ABCA13: variants seen among roughly 807,000 people sequenced by gnomAD.
ABCA13 encodes ATP binding cassette subfamily A member 13.
A neutral mutation model predicts 478.7 loss-of-function variants in ABCA13; 476 were observed. The ratio of observed to expected loss-of-function variants is 0.99; its 90% CI spans 0.92 to 1.07. The LOEUF (loss-of-function observed/expected upper bound fraction) is 1.07. ABCA13 is among the 50% of genes least tolerant of loss of function. The pLI is 0.00. For synonymous variants in ABCA13, 2,252 were observed against 2,158.9 expected, an observed-to-expected ratio of 1.04 and a Z score of -1.20; for missense variants, 6,060 against 5,910.6, an observed-to-expected ratio of 1.03 and a Z score of -0.83.
At chr7:48,598,609 G>T (rs548100646) in intron 58 of ABCA13, among the ~76,000 whole-genome samples, 1 of 151,996 alleles carries the variant, frequency 6.6e-6, no homozygotes, top group East Asian at 1.9e-4. Flanking sequence ...TAAATGATTT[G>T]CAAATATGTA....
intron 27 of ABCA13, among the ~76,000 whole-genome samples, chr7:48,332,035 A>G (rs148470232): frequency 3.3e-4 from 50 of 152,318 alleles, no homozygotes; most frequent in Middle Eastern, 3.4e-3. Flanking sequence ...ACTTAGCATA[A>G]TTCCCTAGAG....
chr7:48,528,407 G>T, intron 55 of ABCA13, 62 bp downstream of exon 55: 1 of 1,161,912 alleles, frequency 8.6e-7, no homozygotes, highest in Non-Finnish European at 1.2e-6. Context: ...AGAACCCCCA[G>T]CATTTTCCCT....
rs978286196 is a variant in ABCA13 at position 48,229,930 on chromosome 7, G to T, written c.738G>T (p.Leu246=). Residue 246 remains leucine (L), a synonymous_variant, in exon 7 of 62, where the codon CTG becomes CTT. Coordinates refer to ENST00000435803, the MANE Select transcript of ABCA13 (RefSeq NM_152701.5). ...LNVTISTLTF[L]QQHGVAVTEP... ...TGACCATTTCGACACTGACATTTCT[G>T]CAGCAACATGGAGTAGCAGTCACCG... 22 of 1,613,942 alleles carry T rather than the reference G, an allele frequency of 1.4e-5. No homozygotes were observed. Among genetic ancestry groups the T allele is most frequent in the Non-Finnish European group, 1.8e-5 (21 of 1,179,834 alleles).
intron 53 of ABCA13, among the ~76,000 whole-genome samples, chr7:48,523,248 T>C (rs904308115): frequency 6.6e-6 from 1 of 152,212 alleles, no homozygotes; most frequent in Admixed American, 6.5e-5. Flanking sequence ...TTTCTCATCG[T>C]CTATGTTCTC....
intron 47 of ABCA13, among the ~76,000 whole-genome samples, chr7:48,483,855 T>A (rs866335053): frequency 9.2e-5 from 14 of 152,266 alleles, no homozygotes; most frequent in South Asian, 2.1e-4. Flanking sequence ...GAAATAGTAT[T>A]GTGTTTGATT....
intron 55 of ABCA13, among the ~76,000 whole-genome samples, chr7:48,542,523 T>C (rs1451648196): frequency 6.6e-6 from 1 of 151,422 alleles, no homozygotes; most frequent in East Asian, 1.9e-4. Flanking sequence ...TAATTTCAAC[T>C]GAAGTGGCCA....
At chr7:48,320,456 C>T (rs543816366) in intron 27 of ABCA13, among the ~76,000 whole-genome samples, 2 of 152,140 alleles carry the variant, frequency 1.3e-5, no homozygotes, top group Non-Finnish European at 2.9e-5. Context: ...TAATTTAACT[C>T]ATACTCTAAG....
At chr7:48,567,950 C>G (rs75145685) in intron 55 of ABCA13, among the ~76,000 whole-genome samples, 1 of 152,038 alleles carries the variant, frequency 6.6e-6, no homozygotes, top group Non-Finnish European at 1.5e-5. Flanking sequence ...ATCCCCAATA[C>G]GTATATGAAT....
At chr7:48,325,646 A>T (rs1205764652) in intron 27 of ABCA13, among the ~76,000 whole-genome samples, 1 of 152,146 alleles carries the variant, frequency 6.6e-6, no homozygotes, top group African/African-American at 2.4e-5. Flanking sequence ...TTCAAGCAGA[A>T]AAGAGAAAAC....
intron 31 of ABCA13, among the ~76,000 whole-genome samples, chr7:48,357,930 T>C (rs1810192841): frequency 6.6e-6 from 1 of 151,312 alleles, no homozygotes; most frequent in African/African-American, 2.4e-5. Context: ...GATCACAAGG[T>C]CAGGAATTCG....
intron 54 of ABCA13, among the ~76,000 whole-genome samples, chr7:48,526,317 A>G (rs1388396151): frequency 3.3e-5 from 5 of 152,152 alleles, no homozygotes; most frequent in Non-Finnish European, 7.4e-5. Flanking sequence ...TCTGAGTCCC[A>G]ACAGGGCTAA....
At chr7:48,397,553 A>G (rs902197647) in intron 38 of ABCA13, among the ~76,000 whole-genome samples, 2 of 152,142 alleles carry the variant, frequency 1.3e-5, no homozygotes, top group Non-Finnish European at 2.9e-5. Context: ...GGGGAAAACC[A>G]TGCTCACATT....
chr7:48,600,915 T>C (rs1305228020), intron 58 of ABCA13, among the ~76,000 whole-genome samples: 1 of 152,238 alleles, frequency 6.6e-6, no homozygotes, highest in East Asian at 1.9e-4. Context: ...AAATACTTTT[T>C]CTGGTCCTAT....
In ABCA13 at chr7:48,545,978, T is replaced by C. The variant is rs147959168; in HGVS notation, c.14354+17633T>C. Among the ~76,000 whole-genome samples the C allele has an allele frequency of 3.7e-4, 56 of 151,962 alleles. No individual in the cohort carries two copies. In the East Asian group the frequency reaches 9.8e-3, roughly 27 times the overall value. On this transcript the variant is annotated intron_variant, in intron 55 of 61. Transcript: ENST00000435803. ...GAAATAATAGGTGAGGATTTTCTAG[T>C]GTTAAGACTGTTGCTTCCTTCAATT...
chr7:48,296,264 G>C (rs1025476442), intron 21 of ABCA13, among the ~76,000 whole-genome samples: 7 of 152,026 alleles, frequency 4.6e-5, no homozygotes, highest in Non-Finnish European at 1.0e-4. Flanking sequence ...GCAGGATTTG[G>C]TGCTGTGCAT....
chr7:48,480,201 T>C (rs1828613499), intron 45 of ABCA13, among the ~76,000 whole-genome samples: 1 of 152,188 alleles, frequency 6.6e-6, no homozygotes, highest in Non-Finnish European at 1.5e-5. Context: ...TGTTTTCCCA[T>C]TTTCCCCTCC....
chr7:48,244,980 T>G (rs990080210), intron 11 of ABCA13, among the ~76,000 whole-genome samples: 1 of 152,130 alleles, frequency 6.6e-6, no homozygotes, highest in African/African-American at 2.4e-5. Flanking sequence ...TAAGGCTGGG[T>G]TGACTTTCAC....
chr7:48,414,705 T>C (rs1819739619), intron 41 of ABCA13, among the ~76,000 whole-genome samples: 1 of 152,058 alleles, frequency 6.6e-6, no homozygotes, highest in Non-Finnish European at 1.5e-5. Context: ...TGGGCTCAAG[T>C]GATCCTCCCA....
intron 55 of ABCA13, among the ~76,000 whole-genome samples, chr7:48,561,131 A>G (rs575925159): frequency 1.3e-5 from 2 of 151,686 alleles, no homozygotes; most frequent in African/African-American, 4.8e-5. Flanking sequence ...CATTTTCTTT[A>G]TTTATCCATC....
Sources: gnomAD v4.1 joint callset for allele counts (sites outside exome capture counted in the v4.1 genomes callset) on GRCh38, gnomAD v4.1.1 for gene constraint, MANE v1.5 for transcripts, NCBI Gene and HGNC (gene_info 2026-07-23, HGNC 2026-07-21) for gene names.